The following FBXL20 variants were observed in gnomAD, a reference collection of about 807,000 sequenced individuals.
FBXL20 encodes F-box/LRR-repeat protein 20.
Under a neutral mutation model 64.0 loss-of-function variants are expected in FBXL20, and 11 were observed. That is an observed-to-expected ratio of 0.17 (90% CI 0.11 to 0.28). FBXL20 has a LOEUF of 0.28. FBXL20 is among the 10% of genes least tolerant of loss of function. The pLI is 1.00. For synonymous variants in FBXL20, 184 were observed against 189.0 expected (o/e 0.97, Z 0.22); for missense variants, 303 against 526.2 (o/e 0.58, Z 4.15).
chr17:39,284,659 C>T (rs2046973941), intron 7 of FBXL20, among the ~76,000 whole-genome samples: 1 of 152,174 alleles, frequency 6.6e-6, no homozygotes, highest in Non-Finnish European at 1.5e-5. Flanking sequence ...GCTGGGATTA[C>T]AGGTGTGAGC....
intron 1 of FBXL20, among the ~76,000 whole-genome samples, chr17:39,375,815 G>A (rs2047961827): frequency 6.6e-6 from 1 of 152,096 alleles, no homozygotes; most frequent in Non-Finnish European, 1.5e-5. Flanking sequence ...CCTGTTGGCA[G>A]TAACCTTAAA....
chr17:39,285,925 C>T (rs1277515762), intron 6 of FBXL20, among the ~76,000 whole-genome samples: 3 of 152,154 alleles, frequency 2.0e-5, no homozygotes, highest in Non-Finnish European at 4.4e-5. Context: ...TGGCTATCTA[C>T]CAGACGTAGT....
intron 2 of FBXL20, among the ~76,000 whole-genome samples, chr17:39,340,739 T>A (rs1246075853): frequency 6.6e-6 from 1 of 151,924 alleles, no homozygotes; most frequent in African/African-American, 2.4e-5. Context: ...AAAAAGTCAG[T>A]TTTTCTCATC....
chr17:39,268,304 G>C (rs1293052479), intron 12 of FBXL20, among the ~76,000 whole-genome samples: 3 of 152,204 alleles, frequency 2.0e-5, no homozygotes. Context: ...AGTGAGCTGA[G>C]ATCTCGCCAC....
intron 1 of FBXL20, among the ~76,000 whole-genome samples, chr17:39,349,060 T>C (rs556082601): frequency 2.6e-4 from 39 of 151,944 alleles, no homozygotes; most frequent in African/African-American, 8.0e-4. Context: ...GAAACCATCC[T>C]GGCCAACATG....
chr17:39,396,967 A>G (rs950293176), intron 1 of FBXL20, among the ~76,000 whole-genome samples: 4 of 131,464 alleles, frequency 3.0e-5, no homozygotes, highest in Non-Finnish European at 4.6e-5. Context: ...AAAAAAAAAA[A>G]AAAAAAAAAT....
intron 1 of FBXL20, among the ~76,000 whole-genome samples, chr17:39,348,766 C>T (rs1275710642): frequency 6.6e-6 from 1 of 152,200 alleles, no homozygotes; most frequent in Non-Finnish European, 1.5e-5. Flanking sequence ...GTGGTCCTAT[C>T]ATAGACCACT....
At chr17:39,269,996 C>A (rs919542052) in intron 11 of FBXL20, among the ~76,000 whole-genome samples, 5 of 152,176 alleles carry the variant, frequency 3.3e-5, no homozygotes, top group African/African-American at 1.2e-4. Context: ...AAACGACCAT[C>A]CCCTTGTACC....
At chr17:39,362,412 T>A (rs1056505559) in intron 1 of FBXL20, among the ~76,000 whole-genome samples, 1 of 151,822 alleles carries the variant, frequency 6.6e-6, no homozygotes, top group Non-Finnish European at 1.5e-5. Flanking sequence ...CCAGCCTGGG[T>A]AAGATGGCAA....
At chr17:39,326,526 T>TG (rs895170727) in intron 2 of FBXL20, among the ~76,000 whole-genome samples, 2 of 151,654 alleles carry the variant, frequency 1.3e-5, no homozygotes, top group African/African-American at 4.8e-5. Context: ...AGGGCTGAGG[T>TG]GGGGGGATCA....
chr17:39,328,391 G>C (rs2047429791), intron 2 of FBXL20, among the ~76,000 whole-genome samples: 1 of 151,380 alleles, frequency 6.6e-6, no homozygotes. Context: ...GAAACACCTT[G>C]TTGTGCCAGA....
At chr17:39,380,583 T>G (rs1317144683) in intron 1 of FBXL20, among the ~76,000 whole-genome samples, 2 of 152,196 alleles carry the variant, frequency 1.3e-5, no homozygotes, top group Non-Finnish European at 2.9e-5. Context: ...CTATAAAATG[T>G]GAACCATGCT....
chr17:39,265,254 C>T, intron 13 of FBXL20, 143 bp downstream of exon 13: 2 of 611,866 alleles, frequency 3.3e-6, no homozygotes, highest in Admixed American at 6.2e-5. Flanking sequence ...TCATGTACTC[C>T]TTTGGTTCTC....
intron 1 of FBXL20, among the ~76,000 whole-genome samples, chr17:39,396,737 C>T (rs1371795474): frequency 2.6e-5 from 4 of 151,800 alleles, no homozygotes; most frequent in African/African-American, 4.8e-5. Flanking sequence ...GGGCGGATCG[C>T]GAGGTTAGGA....
At chr17:39,371,473 G>A (rs979947429) in intron 1 of FBXL20, among the ~76,000 whole-genome samples, 1 of 151,904 alleles carries the variant, frequency 6.6e-6, no homozygotes, top group Non-Finnish European at 1.5e-5. Flanking sequence ...AGCTAGATGA[G>A]GGAAGGAGAT....
chr17:39,274,827 T>G (rs953908051), intron 10 of FBXL20, 143 bp downstream of exon 10: 1 of 952,570 alleles, frequency 1.0e-6, no homozygotes, highest in Non-Finnish European at 1.5e-6. Flanking sequence ...AAAAAGGAAG[T>G]AGGTGGGCAT....
At position 39,298,985 on chromosome 17, in the gene FBXL20, T is replaced by A; in HGVS notation, c.329+5A>T. ...AAGAAGATTAATCAATAGTTATGTT[T>A]TTACCTTAATGCATTGTCTCCCACT... On this transcript the variant is annotated splice_donor_5th_base_variant and intron_variant, in intron 5 of 14. Coordinates refer to ENST00000264658, the MANE Select transcript of FBXL20 (RefSeq NM_032875.3). 6.2e-7 allele frequency: 1 copy of A among 1,608,486 alleles called. No homozygotes were observed. Among genetic ancestry groups the A allele is most frequent in the Non-Finnish European group, 8.5e-7 (1 of 1,175,632 alleles).
intron 6 of FBXL20, among the ~76,000 whole-genome samples, chr17:39,286,797 T>C (rs2046992206): frequency 6.6e-6 from 1 of 151,156 alleles, no homozygotes; most frequent in Admixed American, 6.6e-5. Context: ...AAACTCTGTC[T>C]CAAAAAAAAA....
chr17:39,402,229 T>G (rs2048255128), upstream of FBXL20: 1 of 1,231,948 alleles, frequency 8.1e-7, no homozygotes, highest in Non-Finnish European at 1.0e-6. Context: ...ATTTTCCTCC[T>G]CTTCTGGATG....
Sources: gnomAD v4.1 joint callset for allele counts (sites outside exome capture counted in the v4.1 genomes callset) on GRCh38, gnomAD v4.1.1 for gene constraint, MANE v1.5 for transcripts, NCBI Gene and HGNC (gene_info 2026-07-23, HGNC 2026-07-21) for gene names.